The following GUCY1A2 variants were observed in gnomAD, a reference collection of about 807,000 sequenced individuals.
GUCY1A2 encodes guanylate cyclase soluble subunit alpha-2.
In GUCY1A2, 27 loss-of-function variants were observed where a neutral mutation model predicts 63.5. That is an observed-to-expected ratio of 0.43 (90% CI 0.31 to 0.59). GUCY1A2 has a LOEUF of 0.59. Among genes scored for constraint, GUCY1A2 ranks in the 20% least tolerant of loss-of-function variants. GUCY1A2 has a pLI of 0.11. For missense variants in GUCY1A2, 768 were observed against 913.3 expected (o/e 0.84, Z 2.05); for synonymous variants, 364 against 343.5 (o/e 1.06, Z -0.66).
At chr11:106,849,441 A>G (rs2135449460) in intron 4 of GUCY1A2, among the ~76,000 whole-genome samples, 1 of 151,338 alleles carries the variant, frequency 6.6e-6, no homozygotes, top group Admixed American at 6.6e-5. Context: ...GAAGTATTAC[A>G]AGGTTCAAAG....
At chr11:107,005,534 A>G (rs1247964539) in intron 1 of GUCY1A2, among the ~76,000 whole-genome samples, 3 of 152,200 alleles carry the variant, frequency 2.0e-5, no homozygotes, top group Admixed American at 6.5e-5. Context: ...TCAACCTCCC[A>G]AAGTGCTGAG....
chr11:106,944,218 A>G (rs1262856586), intron 3 of GUCY1A2, among the ~76,000 whole-genome samples: 1 of 131,046 alleles, frequency 7.6e-6, no homozygotes. Flanking sequence ...CTGTCTCCAA[A>G]AAAAAAAAAA....
In GUCY1A2 at chr11:106,776,490, C is replaced by T; in HGVS notation, c.1785G>A (p.Lys595=). ...GCACCTCTTCTGAAAGTTCCATCAT[C>T]TTCAAGGCCATCAGAGCAATGGGTT... is the stretch of plus-strand genomic sequence containing the variant. ...HAKPIALMAL[K]MMELSEEVLT... The change falls in exon 6 of 8, where the codon AAG becomes AAA. Residue 595 remains lysine (K), a synonymous_variant. Transcript: ENST00000526355. 6.2e-7 allele frequency: 1 copy of T among 1,613,864 alleles called. No homozygotes were observed. The highest frequency in any genetic ancestry group is 8.5e-7 in the Non-Finnish European group (1 of 1,179,748).
At chr11:106,827,857 T>C (rs757273558) in intron 4 of GUCY1A2, 2 of 1,598,970 alleles carry the variant, frequency 1.3e-6, no homozygotes, top group African/African-American at 1.3e-5. Flanking sequence ...ACCATGAACT[T>C]CCCTGCAGTC....
chr11:106,769,347 T>C (rs893044540), intron 6 of GUCY1A2, among the ~76,000 whole-genome samples: 7 of 152,064 alleles, frequency 4.6e-5, no homozygotes, highest in Admixed American at 2.6e-4. Context: ...CACTATAAAC[T>C]GGTATAATCA....
chr11:106,819,552 A>C (rs1366929145), intron 4 of GUCY1A2, among the ~76,000 whole-genome samples: 1 of 152,216 alleles, frequency 6.6e-6, no homozygotes, highest in Non-Finnish European at 1.5e-5. Context: ...GACTTGATGA[A>C]GGCTCAGATA....
chr11:106,770,138 G>T (rs1016391170), intron 6 of GUCY1A2, among the ~76,000 whole-genome samples: 42 of 152,106 alleles, frequency 2.8e-4, no homozygotes, highest in Admixed American at 7.2e-4. Flanking sequence ...TTTTTGTTAG[G>T]TATTATAAGT....
At chr11:106,727,534 T>C (rs569812813) in intron 6 of GUCY1A2, among the ~76,000 whole-genome samples, 2 of 152,312 alleles carry the variant, frequency 1.3e-5, no homozygotes, top group African/African-American at 4.8e-5. Context: ...CTTATGCCCC[T>C]GAAGAATTTT....
At chr11:106,707,833 G>T (rs1448573633) in intron 7 of GUCY1A2, among the ~76,000 whole-genome samples, 1 of 152,006 alleles carries the variant, frequency 6.6e-6, no homozygotes, top group Non-Finnish European at 1.5e-5. Context: ...AAGATAAAAA[G>T]AATTTAATGT....
intron 4 of GUCY1A2, among the ~76,000 whole-genome samples, chr11:106,902,789 C>T (rs1944203): frequency 0.89 from 135,304 of 152,226 alleles, 60,220 homozygotes; most frequent in East Asian, 1. Context: ...CAACTATTTC[C>T]GTAGCATTTA....
At chr11:106,821,348 C>T (rs189573948) in intron 4 of GUCY1A2, among the ~76,000 whole-genome samples, 1 of 152,112 alleles carries the variant, frequency 6.6e-6, no homozygotes, top group Non-Finnish European at 1.5e-5. Context: ...CCTTTTTTCC[C>T]ACAGGGTGAA....
chr11:106,694,188 G>A (rs1862675718), intron 7 of GUCY1A2, among the ~76,000 whole-genome samples: 2 of 152,128 alleles, frequency 1.3e-5, no homozygotes, highest in African/African-American at 4.8e-5. Context: ...CAGCATTCTG[G>A]AAGTTGAATT....
At chr11:106,884,799 A>G (rs949961325) in intron 4 of GUCY1A2, among the ~76,000 whole-genome samples, 5 of 152,158 alleles carry the variant, frequency 3.3e-5, no homozygotes, top group African/African-American at 1.2e-4. Flanking sequence ...GACACTTCAT[A>G]TCAGAGTACC....
In GUCY1A2 at chr11:106,681,735, G is replaced by A. The variant is rs1483527844; in HGVS notation, c.*5814C>T. ...TATTGCTTGTATAAAACATGTTTCT[G>A]TTTTCACAAAGGCTCTATGAAATGC... On this transcript the variant is annotated 3_prime_UTR_variant, in exon 8 of 8. Transcript: ENST00000526355. 4.6e-6 allele frequency: 1 copy of A among 219,524 alleles called. No individual in the cohort carries two copies. The highest frequency in any genetic ancestry group is 9.1e-6 in the Non-Finnish European group (1 of 109,520). 13.6% of individuals were successfully genotyped at this position (219,524 alleles called of 1,614,324 possible). A position where few individuals can be genotyped will look rare whatever the true frequency, so the allele number is the denominator to read the frequency against.
chr11:107,005,122 G>A (rs1400758925), intron 1 of GUCY1A2, among the ~76,000 whole-genome samples: 2 of 152,086 alleles, frequency 1.3e-5, no homozygotes, highest in African/African-American at 4.8e-5. Context: ...AGCTTCAACT[G>A]ATCTTTTTAG....
At chr11:106,798,455 CA>C (rs1438427389) in intron 5 of GUCY1A2, among the ~76,000 whole-genome samples, 2 of 152,024 alleles carry the variant, frequency 1.3e-5, no homozygotes, top group African/African-American at 4.8e-5. Flanking sequence ...GGCAAAAACA[CA>C]ACAAAAAAAG....
intron 3 of GUCY1A2, among the ~76,000 whole-genome samples, chr11:106,974,590 T>C (rs1214572122): frequency 6.6e-6 from 1 of 152,148 alleles, no homozygotes; most frequent in African/African-American, 2.4e-5. Context: ...GATTTCACAG[T>C]ATTTCAGGAT....
intron 1 of GUCY1A2, among the ~76,000 whole-genome samples, chr11:107,014,816 T>G (rs1861798043): frequency 6.6e-6 from 1 of 152,146 alleles, no homozygotes. Flanking sequence ...AAGTATATTG[T>G]GATGGCATGC....
chr11:106,827,150 T>C (rs1049467307), intron 4 of GUCY1A2: 32 of 1,490,540 alleles, frequency 2.1e-5, no homozygotes, highest in Non-Finnish European at 2.5e-5. Flanking sequence ...GAAAACTCTT[T>C]TGTTCCTTTA....
Sources: gnomAD v4.1 joint callset for allele counts (sites outside exome capture counted in the v4.1 genomes callset) on GRCh38, gnomAD v4.1.1 for gene constraint, MANE v1.5 for transcripts, NCBI Gene and HGNC (gene_info 2026-07-23, HGNC 2026-07-21) for gene names.